FBLIM1: variants seen among roughly 807,000 people sequenced by gnomAD.
The protein encoded by FBLIM1 is filamin-binding LIM protein 1.
FBLIM1 carries 29 observed loss-of-function variants against 37.4 expected under a neutral mutation model. The ratio of observed to expected loss-of-function variants is 0.77; its 90% CI spans 0.58 to 1.06. The LOEUF is 1.06. Ranked by LOEUF, FBLIM1 falls within the 50% of genes least tolerant of loss-of-function variation. The pLI is 0.00. For missense variants in FBLIM1, 449 were observed against 505.6 expected (o/e 0.89, Z 1.07); for synonymous variants, 193 against 199.0 (o/e 0.97, Z 0.25).
intron 8 of FBLIM1, among the ~76,000 whole-genome samples, chr1:15,783,074 G>A (rs936522624): frequency 4.6e-5 from 7 of 152,186 alleles, no homozygotes; most frequent in South Asian, 2.1e-4. Flanking sequence ...GCTTACAGGC[G>A]TGAGCCACTG....
At chr1:15,764,759 C>T (rs2068834890) in intron 2 of FBLIM1, 74 bp downstream of exon 2, 1 of 631,386 alleles carries the variant, frequency 1.6e-6, no homozygotes, top group Admixed American at 3.1e-5. Context: ...GGTCTCACCC[C>T]TGTGGCCAAG....
At chr1:15,766,715 C>G (rs1053660605) in intron 3 of FBLIM1, among the ~76,000 whole-genome samples, 1 of 151,952 alleles carries the variant, frequency 6.6e-6, no homozygotes, top group Non-Finnish European at 1.5e-5. Context: ...CTGCCTCAGC[C>G]TCCTAAGTAG....
Position 15,774,956 on chromosome 1 carries a change from C to A in FBLIM1, c.890+160C>A, listed in dbSNP as rs541125612. On this transcript the variant is annotated intron_variant, in intron 7 of 8. Coordinates refer to ENST00000375766, the MANE Select transcript of FBLIM1 (RefSeq NM_017556.4). ...GGGCTGGGCTGGGCGCGGTGGCTCA[C>A]GCCTGTAATCCCAGCACTTTGGGAG... is the stretch of plus-strand genomic sequence containing the variant. 68 of 1,475,752 alleles carry A rather than the reference C, an allele frequency of 4.6e-5. No homozygotes were observed. In the South Asian group the frequency reaches 8.3e-4, roughly 18 times the overall value. 91.4% of individuals were successfully genotyped at this position (1,475,752 alleles called of 1,614,324 possible). A position where few individuals can be genotyped will look rare whatever the true frequency, so the allele number is the denominator to read the frequency against.
At chr1:15,774,265 T>C in intron 6 of FBLIM1, among the ~76,000 whole-genome samples, 1 of 82,264 alleles carries the variant, frequency 1.2e-5, no homozygotes, top group Non-Finnish European at 2.9e-5. Context: ...CTTGTCTGTA[T>C]GATAAAGCAC....
chr1:15,762,444 G>T (rs1020344118), intron 1 of FBLIM1, among the ~76,000 whole-genome samples: 2 of 152,042 alleles, frequency 1.3e-5, no homozygotes, highest in African/African-American at 4.8e-5. Context: ...TGTATTTTTA[G>T]TAGAGACAGG....
chr1:15,776,738 T>C (rs966856212), intron 7 of FBLIM1, among the ~76,000 whole-genome samples: 2 of 151,754 alleles, frequency 1.3e-5, no homozygotes, highest in Non-Finnish European at 2.9e-5. Context: ...GGTGCCTGCC[T>C]GTAGTCCCAG....
intron 8 of FBLIM1, among the ~76,000 whole-genome samples, chr1:15,782,986 G>A (rs2069681749): frequency 1.3e-5 from 2 of 152,036 alleles, no homozygotes; most frequent in African/African-American, 2.4e-5. Context: ...AGTAGAGACG[G>A]GGTTTCACCA....
intron 8 of FBLIM1, among the ~76,000 whole-genome samples, chr1:15,780,067 T>G (rs968693194): frequency 2.5e-4 from 38 of 151,774 alleles, no homozygotes; most frequent in African/African-American, 8.7e-4. Context: ...TTTAAAATTT[T>G]TGTAGAGTTG....
At chr1:15,757,347 G>A (rs1374208043), upstream of FBLIM1, among the ~76,000 whole-genome samples, 1 of 152,214 alleles carries the variant, frequency 6.6e-6, no homozygotes, top group Non-Finnish European at 1.5e-5. This position sits in a 1 kb window ranked among gnomAD's most constrained non-coding sequence, Gnocchi z 4.1. Context: ...GCCTCTCGGG[G>A]CCTCAGTGTC....
intron 1 of FBLIM1, among the ~76,000 whole-genome samples, chr1:15,759,378 A>G (rs1014910295): frequency 5.9e-5 from 9 of 152,104 alleles, no homozygotes; most frequent in Non-Finnish European, 1.2e-4. Flanking sequence ...GGGGCTGAGA[A>G]GGTGTGGAGA....
chr1:15,778,054 A>G (rs2069544410), intron 8 of FBLIM1, among the ~76,000 whole-genome samples: 1 of 152,200 alleles, frequency 6.6e-6, no homozygotes, highest in Admixed American at 6.5e-5. Context: ...GAAGCCAGAC[A>G]GTCCCTAGAA....
intron 8 of FBLIM1, among the ~76,000 whole-genome samples, chr1:15,783,725 G>C (rs2069703532): frequency 6.6e-6 from 1 of 151,866 alleles, no homozygotes; most frequent in South Asian, 2.1e-4. Context: ...TGGGAGTACA[G>C]GCGCCCGCCA....
intron 8 of FBLIM1, among the ~76,000 whole-genome samples, chr1:15,779,698 TAG>T (rs571460021): frequency 4.1e-4 from 62 of 152,156 alleles, no homozygotes; most frequent in South Asian, 2.5e-3. Flanking sequence ...GGTGCCAGGC[TAG>T]AGAGTCTGGA....
intron 3 of FBLIM1, among the ~76,000 whole-genome samples, chr1:15,766,366 G>A (rs368497909): frequency 1.3e-5 from 2 of 152,160 alleles, no homozygotes; most frequent in African/African-American, 2.4e-5. Context: ...GTGCGATCTC[G>A]GCTCACTGCA....
At chr1:15,768,769 G>A (rs570264311) in intron 5 of FBLIM1, 139 bp downstream of exon 5, 2 of 514,738 alleles carry the variant, frequency 3.9e-6, no homozygotes, top group East Asian at 3.5e-5. Context: ...TTTGTAGTTC[G>A]GCATCCATTT....
chr1:15,766,675 A>G (rs1569764722), intron 3 of FBLIM1, among the ~76,000 whole-genome samples: 1 of 148,126 alleles, frequency 6.8e-6, no homozygotes, highest in African/African-American at 2.5e-5. Context: ...GCTCACTGCA[A>G]CCTCCGCCTC....
intron 1 of FBLIM1, among the ~76,000 whole-genome samples, chr1:15,759,836 T>A (rs899805773): frequency 7.2e-5 from 11 of 152,162 alleles, no homozygotes; most frequent in Non-Finnish European, 1.2e-4. Flanking sequence ...ACCCCTCCCC[T>A]AAGTTGCAGG....
At position 15,777,227 on chromosome 1, in the gene FBLIM1, A is replaced by C. The variant is rs1205516429; in HGVS notation, c.948A>C (p.Lys316Asn). 2 of 1,613,490 alleles carry C rather than the reference A, an allele frequency of 1.2e-6. No individual in the cohort carries two copies. Among genetic ancestry groups the C allele is most frequent in the Non-Finnish European group, 1.7e-6 (2 of 1,179,540 alleles). ...CENPIIPRDG[K>N]DAFKIECMGR... ...ATCCCATCATCCCTCGGGATGGGAAAGATGCCTTCAAAATCGAATGCATGG... is the reference window on the plus strand; with the variant it reads ...ATCCCATCATCCCTCGGGATGGGAACGATGCCTTCAAAATCGAATGCATGG... Residue 316 changes from lysine to asparagine, a missense_variant, in exon 8 of 9, where the codon AAA (lysine) becomes AAC (asparagine). Lys to Asn is a moderately conservative substitution (Grantham distance 94). Transcript: ENST00000375766.
intron 7 of FBLIM1, among the ~76,000 whole-genome samples, chr1:15,776,512 A>T (rs532625949): frequency 1.3e-5 from 2 of 152,178 alleles, no homozygotes; most frequent in South Asian, 4.2e-4. Flanking sequence ...GCTGGACTCA[A>T]TCCCTGCCCA....
Sources: gnomAD v4.1 joint callset for allele counts (sites outside exome capture counted in the v4.1 genomes callset) on GRCh38, gnomAD v4.1.1 for gene constraint, Gnocchi (gnomAD v3.1) non-coding constraint, MANE v1.5 for transcripts, NCBI Gene and HGNC (gene_info 2026-07-23, HGNC 2026-07-21) for gene names.